Variants in ANO10 observed in about 807,000 individuals in gnomAD.
The protein encoded by ANO10 is anoctamin-10.
A neutral mutation model predicts 74.7 loss-of-function variants in ANO10; 77 were observed. The observed-to-expected ratio is 1.03, with a 90% CI of 0.86 to 1.25. ANO10 has a LOEUF of 1.25. Ranked by LOEUF, ANO10 falls within the 50% of genes most tolerant of loss-of-function variation. The probability of loss-of-function intolerance (pLI) is 0.00; values close to 1 mark genes in which losing one functional copy is unlikely to be tolerated. For missense variants in ANO10, 721 were observed against 778.1 expected (o/e 0.93, Z 0.87); for synonymous variants, 279 against 284.9 (o/e 0.98, Z 0.21).
intron 1 of ANO10, chr3:43,690,785 A>G (rs2084351864): frequency 6.7e-6 from 3 of 448,398 alleles, no homozygotes; most frequent in Non-Finnish European, 1.2e-5. Context: ...CGGGAGAACT[A>G]GTGCATGCTG....
In ANO10 at chr3:43,490,177, T is replaced by C. The variant is rs55654253; in HGVS notation, c.1798-57450A>G. 6.7e-3 allele frequency among the ~76,000 whole-genome samples: 1,018 copies of C among 152,336 alleles called. 5 individuals carry two copies. The highest frequency in any genetic ancestry group is 0.011 in the Non-Finnish European group (722 of 68,026). On this transcript the variant is annotated intron_variant, in intron 11 of 12. Coordinates refer to ENST00000292246, the MANE Select transcript of ANO10 (RefSeq NM_018075.5). ...AGGAGACAGGGCTACAGCCAGGCTT[T>C]GACATTTAGCCCTGGCCTCCCTCTT...
chr3:43,583,178 T>C (rs1198150560), intron 4 of ANO10, among the ~76,000 whole-genome samples: 1 of 152,006 alleles, frequency 6.6e-6, no homozygotes, highest in Non-Finnish European at 1.5e-5. Flanking sequence ...GATCTTCTCT[T>C]CATCAGTGCC....
intron 11 of ANO10, among the ~76,000 whole-genome samples, chr3:43,496,278 C>G (rs2076911142): frequency 6.6e-6 from 1 of 152,006 alleles, no homozygotes; most frequent in South Asian, 2.1e-4. Flanking sequence ...TATTCTGTAG[C>G]CATTACAAAG....
intron 12 of ANO10, among the ~76,000 whole-genome samples, chr3:43,426,683 T>C (rs1231964834): frequency 2.0e-5 from 3 of 152,176 alleles, no homozygotes; most frequent in Non-Finnish European, 4.4e-5. Context: ...CTATTTTTAA[T>C]TGGATCTTAA....
chr3:43,603,205 T>C (rs1241787901), intron 2 of ANO10, among the ~76,000 whole-genome samples: 1 of 152,148 alleles, frequency 6.6e-6, no homozygotes, highest in East Asian at 1.9e-4. Flanking sequence ...CAACTGTCTC[T>C]CTCCTTGATC....
At chr3:43,509,196 C>T (rs2077416886) in intron 11 of ANO10, among the ~76,000 whole-genome samples, 1 of 151,562 alleles carries the variant, frequency 6.6e-6, no homozygotes, top group African/African-American at 2.4e-5. Context: ...GGGTGGGGAA[C>T]ATCACACAAC....
At chr3:43,522,381 T>C (rs1346466309) in intron 11 of ANO10, among the ~76,000 whole-genome samples, 1 of 152,196 alleles carries the variant, frequency 6.6e-6, no homozygotes, top group African/African-American at 2.4e-5. Flanking sequence ...TCACCATTCT[T>C]TATGATCATA....
intron 11 of ANO10, among the ~76,000 whole-genome samples, chr3:43,486,870 C>T (rs1257130490): frequency 6.8e-6 from 1 of 146,064 alleles, no homozygotes; most frequent in African/African-American, 2.6e-5. Context: ...GAGGGCATCC[C>T]TGTCTTGTGC....
rs182015062 is a variant in ANO10, at chr3:43,677,176, G to A, written c.-12+14341C>T. 1.6e-4 allele frequency among the ~76,000 whole-genome samples: 24 copies of A among 152,282 alleles called. No homozygotes were observed. In the East Asian group the frequency reaches 2.9e-3, roughly 18 times the overall value. On this transcript the variant is annotated intron_variant, in intron 1 of 3. Transcript: ENST00000413397. ...GCAGCCCCAAAAAGAATGAAATCAC[G>A]TCCCTTGCAGCAGCATGGATGCAGG...
Position 43,366,474 on chromosome 3 carries a change from C to A in ANO10, c.*432G>T, listed in dbSNP as rs17075612. ...CTTACTGTACCCCGCTCACTCTCAA[C>A]TGAGGCTCCTGTGATGAGCACAGTG... is the stretch of plus-strand genomic sequence containing the variant. On this transcript the variant is annotated 3_prime_UTR_variant, in exon 13 of 13. Transcript: ENST00000292246. 0.031 allele frequency: 9,659 copies of A among 313,322 alleles called. 618 individuals carry two copies. The highest frequency in any genetic ancestry group is 0.16 in the African/African-American group (7,449 of 46,732). 19.4% of individuals were successfully genotyped at this position (313,322 alleles called of 1,614,324 possible).
intron 1 of ANO10, among the ~76,000 whole-genome samples, chr3:43,661,020 C>A (rs2083919484): frequency 6.6e-6 from 1 of 152,168 alleles, no homozygotes; most frequent in Non-Finnish European, 1.5e-5. Context: ...CCTAGCAAGG[C>A]AGGCCAATGT....
intron 1 of ANO10, among the ~76,000 whole-genome samples, chr3:43,683,331 AT>A (rs1052708047): frequency 6.6e-6 from 1 of 152,202 alleles, no homozygotes; most frequent in Admixed American, 6.5e-5. Flanking sequence ...ACCATTCACA[AT>A]TGCTTCAAAG....
At chr3:43,609,540 T>C (rs938541216) in intron 1 of ANO10, among the ~76,000 whole-genome samples, 1 of 152,232 alleles carries the variant, frequency 6.6e-6, no homozygotes, top group African/African-American at 2.4e-5. Context: ...TCCAACCATT[T>C]ACGGTCATAC....
At chr3:43,570,185 G>A (rs1481987675) in intron 7 of ANO10, among the ~76,000 whole-genome samples, 3 of 133,786 alleles carry the variant, frequency 2.2e-5, no homozygotes, top group African/African-American at 5.7e-5. Flanking sequence ...AATAAAAGAG[G>A]ATACAAACAA....
intron 4 of ANO10, among the ~76,000 whole-genome samples, chr3:43,587,177 A>G (rs1272431636): frequency 6.6e-6 from 1 of 152,238 alleles, no homozygotes; most frequent in African/African-American, 2.4e-5. Flanking sequence ...TAAGAACAAG[A>G]GTGCCTACAT....
At chr3:43,594,371 C>T (rs555254227) in intron 4 of ANO10, among the ~76,000 whole-genome samples, 4 of 152,304 alleles carry the variant, frequency 2.6e-5, no homozygotes, top group African/African-American at 9.6e-5. Flanking sequence ...GTAAAGTACT[C>T]CTCAGCAAAT....
At chr3:43,562,775 T>C (rs1400077106) in intron 8 of ANO10, among the ~76,000 whole-genome samples, 1 of 151,690 alleles carries the variant, frequency 6.6e-6, no homozygotes, top group East Asian at 1.9e-4. Flanking sequence ...AGAATGAAAC[T>C]AGACCCCTCT....
At chr3:43,484,974 A>G in intron 11 of ANO10, 1 of 1,367,770 alleles carries the variant, frequency 7.3e-7, no homozygotes. Context: ...CCCTGCACCT[A>G]GAAGAAGGTG....
rs1553614642 is a variant in ANO10 at position 43,691,008 on chromosome 3, G to T, written c.-12+509C>A. On this transcript the variant is annotated intron_variant, in intron 1 of 3. Transcript: ENST00000413397. ...GGCGGCGGCTATGGCGGCGGAGGAG[G>T]AGGAGGTGGACTCTGCCGACACCGG... 1.9e-6 allele frequency: 3 copies of T among 1,570,394 alleles called. No homozygotes were observed. The South Asian group carries it at 3.5e-5, about 18-fold the overall frequency.
Sources: allele counts gnomAD v4.1 joint callset (sites outside exome capture counted in the v4.1 genomes callset), GRCh38; gene constraint gnomAD v4.1.1; transcripts MANE v1.5; gene names NCBI Gene and HGNC (gene_info 2026-07-23, HGNC 2026-07-21).